Variants in SULT2B1 observed in about 807,000 individuals in gnomAD.
The protein encoded by SULT2B1 is sulfotransferase 2B1.
SULT2B1 carries 16 observed loss-of-function variants against 33.2 expected under a neutral mutation model. That is an observed-to-expected ratio of 0.48 (90% confidence interval 0.33 to 0.73). The LOEUF (loss-of-function observed/expected upper bound fraction) is 0.73. Among genes scored for constraint, SULT2B1 ranks in the 30% least tolerant of loss-of-function variants. The probability of loss-of-function intolerance (pLI) is 0.02; values close to 1 mark genes in which losing one functional copy is unlikely to be tolerated. For synonymous variants in SULT2B1, 186 were observed against 200.5 expected (o/e 0.93, Z 0.61); for missense variants, 500 against 506.0 (o/e 0.99, Z 0.11).
intron 2 of SULT2B1, among the ~76,000 whole-genome samples, chr19:48,577,837 C>T (rs1973435149): frequency 6.6e-6 from 1 of 152,290 alleles, no homozygotes; most frequent in African/African-American, 2.4e-5. Flanking sequence ...CTTTATGGAG[C>T]TCACATTGTA....
intron 1 of SULT2B1, among the ~76,000 whole-genome samples, chr19:48,570,240 C>T (rs375865101): frequency 2.7e-5 from 4 of 150,934 alleles, no homozygotes; most frequent in African/African-American, 9.7e-5. Context: ...AGTGCAATGG[C>T]GCGATCTGGG....
chr19:48,575,336 G>A (rs1301433404), intron 1 of SULT2B1, among the ~76,000 whole-genome samples: 1 of 150,930 alleles, frequency 6.6e-6, no homozygotes, highest in Non-Finnish European at 1.5e-5. Flanking sequence ...GTGCAGTGGC[G>A]CGATCTCAGC....
In SULT2B1 at chr19:48,558,679, C is replaced by CTTTTTTT. The variant is rs869189397; in HGVS notation, c.71+6372_71+6378dup. On this transcript the variant is annotated intron_variant, in intron 1 of 6. Transcript: ENST00000201586. ...TGCTTTTTCTTTTTTCTTTTCTTTT[C>CTTTTTTT]TTTTTTTTTTTTTTTTTTTTTTGAG... Among the ~76,000 whole-genome samples the CTTTTTTT allele has an allele frequency of 3.4e-4, 36 of 106,162 alleles. 1 individual carries two copies. Among genetic ancestry groups the CTTTTTTT allele is most frequent in the African/African-American group, 8.3e-4 (20 of 24,068 alleles). The allele number at this position is 106,162 out of a possible 152,430, so 69.6% of individuals were successfully genotyped here.
chr19:48,582,613 C>T (rs1036057051), intron 2 of SULT2B1, among the ~76,000 whole-genome samples: 3 of 151,998 alleles, frequency 2.0e-5, no homozygotes, highest in Non-Finnish European at 2.9e-5. Context: ...TTTGGGAGGT[C>T]GAGGCAGGCG....
At chr19:48,570,847 C>T (rs6509393) in intron 1 of SULT2B1, among the ~76,000 whole-genome samples, 97,059 of 150,486 alleles carry the variant, frequency 0.64, 32,008 homozygotes, top group African/African-American at 0.74. Context: ...CTGAGCCTCC[C>T]GAGTAGCTGG....
intron 2 of SULT2B1, among the ~76,000 whole-genome samples, chr19:48,577,620 T>A (rs2147613569): frequency 6.6e-6 from 1 of 152,150 alleles, no homozygotes; most frequent in South Asian, 2.1e-4. Flanking sequence ...CACCTCGGCC[T>A]CCCAAAGTGC....
At chr19:48,581,029 C>CTTTTTTTTTTT (rs57093444) in intron 2 of SULT2B1, among the ~76,000 whole-genome samples, 3 of 65,094 alleles carry the variant, frequency 4.6e-5, no homozygotes, top group East Asian at 6.4e-4. Context: ...ATATATATTC[C>CTTTTTTTTTTT]TTTTTTTTTT....
intron 3 of SULT2B1, 31 bp from the exon 4 acceptor site, chr19:48,591,578 C>T (rs1568413259): frequency 1.8e-5 from 29 of 1,597,618 alleles, no homozygotes; most frequent in Non-Finnish European, 2.1e-5. Context: ...TGTCTGACGC[C>T]TTCTCCCCTC....
At chr19:48,558,679 C>CTTTTTTTTTTTTTTT (rs869189397) in intron 1 of SULT2B1, among the ~76,000 whole-genome samples, 8 of 106,178 alleles carry the variant, frequency 7.5e-5, no homozygotes, top group African/African-American at 1.7e-4. Context: ...CTTTTCTTTT[C>CTTTTTTTTTTTTTTT]TTTTTTTTTT....
Position 48,593,569 on chromosome 19 carries a change from A to T in SULT2B1, c.645+753A>T, listed in dbSNP as rs572671544. On this transcript the variant is annotated intron_variant, in intron 5 of 6. Coordinates refer to ENST00000201586, the MANE Select transcript of SULT2B1 (RefSeq NM_177973.2). ...CTTGTTCCAAAAAATAGAAAGAAAA[A>T]AGATTGAACCACATGAAATGCCTGC... is the stretch of plus-strand genomic sequence containing the variant. Among the ~76,000 whole-genome samples the T allele has an allele frequency of 7.6e-4, 116 of 152,142 alleles. 1 individual carries two copies. The highest frequency in any genetic ancestry group is 2.7e-3 in the African/African-American group (112 of 41,514).
At chr19:48,569,462 G>C (rs1973292322) in intron 1 of SULT2B1, among the ~76,000 whole-genome samples, 1 of 142,150 alleles carries the variant, frequency 7.0e-6, no homozygotes, top group Non-Finnish European at 1.5e-5. Flanking sequence ...ACATCTATCT[G>C]TAATCCCAGC....
intron 2 of SULT2B1, 77 bp downstream of exon 2, chr19:48,576,160 GAGA>G (rs1431795576): frequency 7.6e-7 from 1 of 1,315,718 alleles, no homozygotes; most frequent in Non-Finnish European, 1.1e-6. Flanking sequence ...AAGGCACATA[GAGA>G]AGGAGGGGAG....
chr19:48,598,983 G>A (rs1326055218), intron 6 of SULT2B1, 152 bp from the exon 7 acceptor site: 1 of 1,365,436 alleles, frequency 7.3e-7, no homozygotes, highest in Non-Finnish European at 9.7e-7. Context: ...GGACACAAAG[G>A]GGGCAATGTG....
At chr19:48,570,469 G>A (rs999172222) in intron 1 of SULT2B1, among the ~76,000 whole-genome samples, 4 of 151,888 alleles carry the variant, frequency 2.6e-5, no homozygotes, top group African/African-American at 7.2e-5. Context: ...GTGAGCCACC[G>A]AGCCCGGCCA....
chr19:48,596,268 G>C (rs1031921480), intron 5 of SULT2B1: 2 of 163,648 alleles, frequency 1.2e-5, no homozygotes, highest in African/African-American at 4.8e-5. Flanking sequence ...TACCCAGAGA[G>C]GGAGGCCAGG....
chr19:48,577,028 A>ATTTTTTTTTTTTTTTTTTTTTT (rs71179012), intron 2 of SULT2B1, among the ~76,000 whole-genome samples: 1 of 92,954 alleles, frequency 1.1e-5, no homozygotes, highest in African/African-American at 4.7e-5. Flanking sequence ...ACCCCCCTCT[A>ATTTTTTTTTTTTTTTTTTTTTT]TTTTTTTTTT....
At chr19:48,571,688 A>G (rs1257279045) in intron 1 of SULT2B1, among the ~76,000 whole-genome samples, 2 of 88,562 alleles carry the variant, frequency 2.3e-5, no homozygotes, top group African/African-American at 1.1e-4. Context: ...TGGAGCTTAC[A>G]TGCAAGCGGA....
In SULT2B1 at chr19:48,593,738, A is replaced by C. The variant is rs58779403; in HGVS notation, c.645+922A>C. Among the ~76,000 whole-genome samples, 30 of 150,274 alleles carry C rather than the reference A, an allele frequency of 2.0e-4. No individual in the cohort carries two copies. In the South Asian group the frequency reaches 6.1e-3, roughly 31 times the overall value. On this transcript the variant is annotated intron_variant, in intron 5 of 6. Coordinates refer to ENST00000201586, the MANE Select transcript of SULT2B1 (RefSeq NM_177973.2). ...CAACCTCCAACTCCCACGTTCAAGC[A>C]ATTCTCCTGCCTCAGCCTCCCAAGC...
chr19:48,554,116 A>C (rs1973062703), intron 1 of SULT2B1, among the ~76,000 whole-genome samples: 1 of 151,012 alleles, frequency 6.6e-6, no homozygotes, highest in Non-Finnish European at 1.5e-5. Context: ...CCCCTGCAAG[A>C]CTCCTCCAGC....
Sources: gnomAD v4.1 joint callset for allele counts (sites outside exome capture counted in the v4.1 genomes callset) on GRCh38, gnomAD v4.1.1 for gene constraint, MANE v1.5 for transcripts, NCBI Gene and HGNC (gene_info 2026-07-23, HGNC 2026-07-21) for gene names.